Variants in RAD51B observed in about 807,000 individuals in gnomAD.
The protein encoded by RAD51B is RAD51 paralog B, also known as DNA repair protein RAD51 homolog 2.
Under a neutral mutation model 42.2 loss-of-function variants are expected in RAD51B, and 38 were observed. The ratio of observed to expected loss-of-function variants is 0.90; its 90% CI spans 0.70 to 1.18. The LOEUF is 1.18. RAD51B is among the 50% of genes most tolerant of loss of function. The pLI, the probability that RAD51B is intolerant of heterozygous loss-of-function variation, is 0.00. For synonymous variants in RAD51B, 154 were observed against 145.2 expected (o/e 1.06, Z -0.43); for missense variants, 373 against 400.7 (o/e 0.93, Z 0.59).
chr14:67,887,201 C>T lies in RAD51B; in HGVS notation c.753C>T (p.Ile251=), dbSNP rs1369777264. The T allele has an allele frequency of 6.2e-7, 1 of 1,602,962 alleles. No homozygotes were observed. Among genetic ancestry groups the T allele is most frequent in the African/African-American group, 1.3e-5 (1 of 74,422 alleles). Residue 251 remains isoleucine, a synonymous_variant, in exon 7 of 11, where the codon ATC becomes ATT. Transcript: ENST00000471583. ...AGTATTTGGCTGAGGAGTTTTCAAT[C>T]CCAGTAAGTTTTTCTTTTTTTCTCT... is the stretch of plus-strand genomic sequence containing the variant. The part of the protein sequence containing the change: ...SLKYLAEEFS[I]PVILTNQITT...
chr14:68,444,863 A>C (rs2085386651), intron 9 of RAD51B, among the ~76,000 whole-genome samples: 1 of 152,180 alleles, frequency 6.6e-6, no homozygotes, highest in Non-Finnish European at 1.5e-5. Context: ...CAAATAACAG[A>C]TCCCTCAGTA....
chr14:67,825,918 T>G (rs2040817543), intron 3 of RAD51B, among the ~76,000 whole-genome samples: 1 of 151,916 alleles, frequency 6.6e-6, no homozygotes, highest in Non-Finnish European at 1.5e-5. Flanking sequence ...TTAGTAGAGA[T>G]GGGATTTCAC....
At chr14:68,312,532 C>A (rs2081983883) in intron 8 of RAD51B, among the ~76,000 whole-genome samples, 1 of 151,964 alleles carries the variant, frequency 6.6e-6, no homozygotes, top group African/African-American at 2.4e-5. Flanking sequence ...CCCTTTTTTT[C>A]CCTGAACAAA....
intron 7 of RAD51B, among the ~76,000 whole-genome samples, chr14:68,162,970 A>G (rs762218203): frequency 3.9e-5 from 6 of 152,242 alleles, no homozygotes; most frequent in Non-Finnish European, 8.8e-5. Flanking sequence ...AGCTGCAGTT[A>G]TTGGGTTTGA....
chr14:68,072,083 A>C (rs1223224056), intron 7 of RAD51B, among the ~76,000 whole-genome samples: 1 of 133,582 alleles, frequency 7.5e-6, no homozygotes, highest in Non-Finnish European at 1.6e-5. Context: ...ATATAAATAT[A>C]TATAAATATA....
chr14:68,356,034 T>A (rs1434107133), intron 8 of RAD51B, among the ~76,000 whole-genome samples: 2 of 152,242 alleles, frequency 1.3e-5, no homozygotes, highest in Non-Finnish European at 2.9e-5. Flanking sequence ...TCTCCCAGGT[T>A]ATATAGCCAT....
At chr14:68,105,874 C>A (rs1007623818) in intron 7 of RAD51B, among the ~76,000 whole-genome samples, 5 of 151,898 alleles carry the variant, frequency 3.3e-5, no homozygotes, top group Non-Finnish European at 7.4e-5. Context: ...TTATTGGGTC[C>A]TCTAAAAGAT....
rs543380061 is a variant in RAD51B, at chr14:68,455,546, T to A, written c.958-12626T>A. ...TCCTGGCTAACATGGTGAGACCCCATCTCTACTAAAAATACAAAAAAAAAT... is the reference window on the plus strand; with the variant it reads ...TCCTGGCTAACATGGTGAGACCCCAACTCTACTAAAAATACAAAAAAAAAT... On this transcript the variant is annotated intron_variant, in intron 9 of 10. Coordinates refer to ENST00000471583, the MANE Select transcript of RAD51B (RefSeq NM_133510.4). Among the ~76,000 whole-genome samples the A allele has an allele frequency of 3.9e-4, 59 of 151,934 alleles. 1 individual carries two copies. The South Asian group carries it at 6.0e-3, about 16-fold the overall frequency.
At chr14:68,188,120 A>G (rs1005049726) in intron 7 of RAD51B, among the ~76,000 whole-genome samples, 2 of 152,028 alleles carry the variant, frequency 1.3e-5, no homozygotes, top group Non-Finnish European at 2.9e-5. Context: ...CGGCCTGGAC[A>G]TATTTTATAA....
chr14:68,504,661 T>TC (rs1885162655), intron 10 of RAD51B, among the ~76,000 whole-genome samples: 1 of 107,194 alleles, frequency 9.3e-6, no homozygotes, highest in Non-Finnish European at 1.9e-5. Context: ...TTTTTTTCTT[T>TC]CTTTTTTTTT....
intron 10 of RAD51B, among the ~76,000 whole-genome samples, chr14:68,488,181 T>C (rs1030797232): frequency 9.3e-5 from 14 of 149,930 alleles, no homozygotes; most frequent in Non-Finnish European, 3.0e-5. Flanking sequence ...AATTACGTTC[T>C]GTTTCTTTAG....
chr14:67,887,012 CT>C lies in RAD51B; in HGVS notation c.573-5del. 7.0e-7 allele frequency: 1 copy of C among 1,426,798 alleles called. No homozygotes were observed. Among genetic ancestry groups the C allele is most frequent in the Non-Finnish European group, 9.5e-7 (1 of 1,051,492 alleles). The allele number at this position is 1,426,798 out of a possible 1,614,324, so 88.4% of individuals were successfully genotyped here. A position where few individuals can be genotyped will look rare whatever the true frequency, so the allele number is the denominator to read the frequency against. ...TTTATTGACTATTTTATAAATTCTTCTTTTATAGGATTGAATCTTTGGAAGA... is the reference window on the plus strand; with the variant it reads ...TTTATTGACTATTTTATAAATTCTTCTTTATAGGATTGAATCTTTGGAAGA... On this transcript the variant is annotated splice_polypyrimidine_tract_variant and splice_region_variant and intron_variant, in intron 6 of 10. Transcript: ENST00000471583.
intron 7 of RAD51B, among the ~76,000 whole-genome samples, chr14:68,274,948 A>G (rs368879397): frequency 2.6e-5 from 4 of 152,158 alleles, no homozygotes; most frequent in East Asian, 1.9e-4. Flanking sequence ...CTATTTTATC[A>G]TGTCACAAGG....
In RAD51B at chr14:68,237,716, A is replaced by C. The variant is rs192910835; in HGVS notation, c.757-54168A>C. On this transcript the variant is annotated intron_variant, in intron 7 of 10. Coordinates refer to ENST00000471583, the MANE Select transcript of RAD51B (RefSeq NM_133510.4). ...TTTACATGCAGTGTTTTACATGGAC[A>C]TGTGTTTTCATTTCTCTTTTTTTTT... Among the ~76,000 whole-genome samples the C allele has an allele frequency of 3.3e-4, 48 of 147,440 alleles. No homozygotes were observed. In the East Asian group the frequency reaches 7.7e-3, roughly 24 times the overall value.
Position 68,241,536 on chromosome 14 carries a change from G to T in RAD51B, c.757-50348G>T, listed in dbSNP as rs531939407. On this transcript the variant is annotated intron_variant, in intron 7 of 10. Coordinates refer to ENST00000471583, the MANE Select transcript of RAD51B (RefSeq NM_133510.4). ...CAGCTGGGCGACAGAGTGAGACTCCGTCTCAAAATATAAAAAAATAAAAAA... is the reference window on the plus strand; with the variant it reads ...CAGCTGGGCGACAGAGTGAGACTCCTTCTCAAAATATAAAAAAATAAAAAA... 2.7e-3 allele frequency among the ~76,000 whole-genome samples: 417 copies of T among 152,064 alleles called. 3 individuals are homozygous for T. Among genetic ancestry groups the T allele is most frequent in the African/African-American group, 9.4e-3 (389 of 41,476 alleles).
intron 7 of RAD51B, among the ~76,000 whole-genome samples, chr14:68,028,921 T>C (rs556475468): frequency 6.6e-6 from 1 of 152,348 alleles, no homozygotes; most frequent in Admixed American, 6.5e-5. Flanking sequence ...CTTGGCTCCA[T>C]GCTGGCTGAA....
intron 7 of RAD51B, among the ~76,000 whole-genome samples, chr14:67,969,347 T>C (rs1358060722): frequency 6.6e-6 from 1 of 152,204 alleles, no homozygotes; most frequent in Non-Finnish European, 1.5e-5. Flanking sequence ...TCAAAGGACT[T>C]CACTAGCATT....
At chr14:68,063,961 A>G (rs957698591) in intron 7 of RAD51B, among the ~76,000 whole-genome samples, 1 of 151,488 alleles carries the variant, frequency 6.6e-6, no homozygotes, top group Non-Finnish European at 1.5e-5. Context: ...CTTTTTCTTA[A>G]TTGTTTATCT....
chr14:68,313,094 C>T (rs1288251821), intron 8 of RAD51B, among the ~76,000 whole-genome samples: 2 of 152,178 alleles, frequency 1.3e-5, no homozygotes, highest in Admixed American at 6.5e-5. Flanking sequence ...GTTTTTGCTG[C>T]TTCTTATGCA....
Sources: gnomAD v4.1 joint callset for allele counts (sites outside exome capture counted in the v4.1 genomes callset) on GRCh38, gnomAD v4.1.1 for gene constraint, MANE v1.5 for transcripts, NCBI Gene and HGNC (gene_info 2026-07-23, HGNC 2026-07-21) for gene names.